TNNT1: variants seen among roughly 807,000 people sequenced by gnomAD.
The protein encoded by TNNT1 is troponin T, slow skeletal muscle.
Under a neutral mutation model 50.6 loss-of-function variants are expected in TNNT1, and 53 were observed. The ratio of observed to expected loss-of-function variants is 1.05; its 90% CI spans 0.84 to 1.32. The LOEUF is 1.32. TNNT1 is among the 40% of genes most tolerant of loss of function. The pLI is 0.00. For synonymous variants in TNNT1, 142 were observed against 138.0 expected, an observed-to-expected ratio of 1.03 and a Z score of -0.20; for missense variants, 348 against 381.7, an observed-to-expected ratio of 0.91 and a Z score of 0.74.
In TNNT1 at chr19:55,137,128, C is replaced by T. The variant is rs2085359319; in HGVS notation, c.586G>A (p.Asp196Asn). Residue 196 changes from aspartate to asparagine, a missense_variant, in exon 11 of 14, where the codon GAC becomes AAC. Around this residue, in one of 3 missense-constraint regions of TNNT1, gnomAD observed 253 missense variants for 291.8 expected, o/e 0.87. Coordinates refer to ENST00000588981, the MANE Select transcript of TNNT1 (RefSeq NM_003283.6). Reference protein sequence around the residue: ...LSERKKPLDIDYMGEEQLRAR... With the variant: ...LSERKKPLDINYMGEEQLRAR... ...CGGAGCTGTTCCTCCCCCATGTAGTCAATGTCCAGAGGCTTCTTACGCTCG... is the reference window on the plus strand; with the variant it reads ...CGGAGCTGTTCCTCCCCCATGTAGTTAATGTCCAGAGGCTTCTTACGCTCG... The T allele has an allele frequency of 1.9e-6, 3 of 1,595,852 alleles. No individual in the cohort carries two copies. The highest frequency in any genetic ancestry group is 1.7e-6 in the Non-Finnish European group (2 of 1,169,850).
At position 55,146,416 on chromosome 19, in the gene TNNT1, C is replaced by G. The variant is rs1175157872; in HGVS notation, c.106+18G>C. 7.4e-7 allele frequency: 1 copy of G among 1,358,748 alleles called. No individual in the cohort carries two copies. The highest frequency in any genetic ancestry group is 3.3e-5 in the Admixed American group (1 of 30,128). 84.2% of individuals were successfully genotyped at this position (1,358,748 alleles called of 1,614,324 possible). On this transcript the variant is annotated intron_variant, in intron 5 of 13. Transcript: ENST00000588981. ...GGCCCCCGACATCGGTCTCGGGAAG[C>G]GAAGCAGCCGCGGTTACCTGGCTCT...
At chr19:55,144,238 T>C (rs2085508516) in intron 6 of TNNT1, among the ~76,000 whole-genome samples, 1 of 152,064 alleles carries the variant, frequency 6.6e-6, no homozygotes. Context: ...TGGCTAATTC[T>C]TTTGTATTTT....
intron 10 of TNNT1, among the ~76,000 whole-genome samples, chr19:55,137,500 G>A (rs2085368698): frequency 3.0e-5 from 4 of 133,134 alleles, no homozygotes; most frequent in African/African-American, 1.2e-4. Flanking sequence ...CTCAGCCCAG[G>A]AGTCCAGACC....
Position 55,146,992 on chromosome 19 carries a change from C to T in TNNT1, c.46+16G>A, listed in dbSNP as rs767337728. On this transcript the variant is annotated intron_variant, in intron 3 of 13. Coordinates refer to ENST00000588981, the MANE Select transcript of TNNT1 (RefSeq NM_003283.6). ...GCGTGTCCCCATCCCATAGGGCCGG[C>T]CCACTCCCTACTCACCTTCCGGCTG... is the stretch of plus-strand genomic sequence containing the variant. 2.3e-5 allele frequency: 37 copies of T among 1,603,404 alleles called. No individual in the cohort carries two copies. The highest frequency in any genetic ancestry group is 1.9e-4 in the Middle Eastern group (1 of 5,336).
chr19:55,137,254 C>T (rs973124838), intron 10 of TNNT1, 42 bp from the exon 11 acceptor site: 1 of 1,419,234 alleles, frequency 7.0e-7, no homozygotes. Flanking sequence ...GGGGCCACAT[C>T]CCACAGAGCA....
At chr19:55,141,834 C>T in intron 7 of TNNT1, 23 bp downstream of exon 7, 3 of 1,613,322 alleles carry the variant, frequency 1.9e-6, no homozygotes, top group Non-Finnish European at 2.5e-6. Flanking sequence ...ACTGCGCCTG[C>T]GGAGGGGTCT....
At position 55,132,714 on chromosome 19, in the gene TNNT1, C is replaced by G. The variant is rs1051185149; in HGVS notation, c.*201G>C. ...AGCAGTGTGTGAAGGTTCAGCCTGC[C>G]GTACTTTAATGATTATTGGTGACAC... On this transcript the variant is annotated 3_prime_UTR_variant, in exon 14 of 14. Transcript: ENST00000588981. 44 of 621,148 alleles carry G rather than the reference C, an allele frequency of 7.1e-5. No homozygotes were observed. Among genetic ancestry groups the G allele is most frequent in the Admixed American group, 1.9e-4 (7 of 37,088 alleles). The allele number at this position is 621,148 out of a possible 1,614,324, so 38.5% of individuals were successfully genotyped here. A position where few individuals can be genotyped will look rare whatever the true frequency, so the allele number is the denominator to read the frequency against.
At chr19:55,134,977 A>C (rs2085323365) in intron 11 of TNNT1, among the ~76,000 whole-genome samples, 1 of 151,890 alleles carries the variant, frequency 6.6e-6, no homozygotes, top group Admixed American at 6.6e-5. Flanking sequence ...TTCCTTTAGA[A>C]TCCTGTTTCC....
Position 55,145,549 on chromosome 19 carries a change from T to C in TNNT1, c.123A>G (p.Lys41=), listed in dbSNP as rs768990278. The change falls in exon 6 of 14, where the codon AAA becomes AAG. Residue 41 remains lysine, a synonymous_variant. Coordinates refer to ENST00000588981, the MANE Select transcript of TNNT1 (RefSeq NM_003283.6). ...CCCACCCTGTAGGATCTCACCTTGG[T>C]TTGGGGCGTTCCTCTTCTGTTGGTG... is the stretch of plus-strand genomic sequence containing the variant. ...PVAEPEEERP[K]PSRPVVPPLI... 7 of 1,612,876 alleles carry C rather than the reference T, an allele frequency of 4.3e-6. No homozygotes were observed. The African/African-American group carries it at 8.0e-5, about 19-fold the overall frequency.
intron 11 of TNNT1, chr19:55,135,526 T>TC (rs1491580446): frequency 4.3e-5 from 3 of 69,692 alleles, no homozygotes; most frequent in Non-Finnish European, 8.1e-5. Flanking sequence ...CACCTCAGCC[T>TC]TTTTTTTTTT....
Position 55,133,879 on chromosome 19 carries a change from A to G in TNNT1, c.791+8T>C, listed in dbSNP as rs770649745. 1 of 1,613,842 alleles carries G rather than the reference A, an allele frequency of 6.2e-7. No homozygotes were observed. Among genetic ancestry groups the G allele is most frequent in the South Asian group, 1.1e-5 (1 of 91,072 alleles). The stretch of plus-strand genomic sequence containing the variant: ...ACAAGAGCAAGGGCTTGAGACGGTC[A>G]CACTCACAACTTCTGGGCGTGGCTG... On this transcript the variant is annotated splice_region_variant and intron_variant, in intron 13 of 13. Coordinates refer to ENST00000588981, the MANE Select transcript of TNNT1 (RefSeq NM_003283.6).
At chr19:55,134,618 G>C (rs184468326) in intron 11 of TNNT1, among the ~76,000 whole-genome samples, 4 of 143,548 alleles carry the variant, frequency 2.8e-5, no homozygotes, top group African/African-American at 1.0e-4. Context: ...GCAGTGAGCT[G>C]TGATTGCACC....
intron 8 of TNNT1, 35 bp from the exon 9 acceptor site, chr19:55,140,995 C>A: frequency 6.2e-7 from 1 of 1,603,022 alleles, no homozygotes; most frequent in South Asian, 1.1e-5. Flanking sequence ...GGTGCAGGGA[C>A]GTACCCCCAG....
At chr19:55,133,729 T>A in intron 13 of TNNT1, 158 bp downstream of exon 13, 1 of 804,348 alleles carries the variant, frequency 1.2e-6, no homozygotes, top group Non-Finnish European at 2.1e-6. Flanking sequence ...AGACCCAGGA[T>A]TCCGAGAGCA....
At position 55,142,151 on chromosome 19, in the gene TNNT1, T is replaced by C. The variant is rs113672372; in HGVS notation, c.129-231A>G. Reference sequence around the variant, plus strand: ...TTGTTTTGTTTTTTTGACGGAGTCTTGCTCTGTCACCCAGGCTGGAGTGCG... The same window carrying C: ...TTGTTTTGTTTTTTTGACGGAGTCTCGCTCTGTCACCCAGGCTGGAGTGCG... On this transcript the variant is annotated intron_variant, in intron 6 of 13. Transcript: ENST00000588981. 4,715 of 480,686 alleles carry C rather than the reference T, an allele frequency of 9.8e-3. 210 individuals carry two copies. Among genetic ancestry groups the C allele is most frequent in the African/African-American group, 0.084 (4,254 of 50,662 alleles). 29.8% of individuals were successfully genotyped at this position (480,686 alleles called of 1,614,324 possible).
At chr19:55,146,347 G>A (rs2085550766) in intron 5 of TNNT1, 87 bp downstream of exon 5, 1 of 928,094 alleles carries the variant, frequency 1.1e-6, no homozygotes, top group Non-Finnish European at 1.5e-6. Flanking sequence ...GGAGGGAAGG[G>A]TGGTCTTGGA....
At chr19:55,145,154 C>T (rs201199569) in intron 6 of TNNT1, among the ~76,000 whole-genome samples, 3 of 118,276 alleles carry the variant, frequency 2.5e-5, no homozygotes, top group African/African-American at 1.3e-4. Context: ...AAAAAAAAAA[C>T]CAGGTGTGGT....
At chr19:55,142,130 T>A (rs1813453325) in intron 6 of TNNT1, 1 of 544,392 alleles carries the variant, frequency 1.8e-6, no homozygotes, top group South Asian at 2.0e-5. Flanking sequence ...TTGGTTTTGT[T>A]TTGTTTTTTT....
chr19:55,139,251 C>T (rs958445987), intron 9 of TNNT1, among the ~76,000 whole-genome samples: 3 of 152,228 alleles, frequency 2.0e-5, no homozygotes, highest in African/African-American at 2.4e-5. Context: ...CCACTTGTCT[C>T]GGTCTCCCAA....
Sources: allele counts gnomAD v4.1 joint callset (sites outside exome capture counted in the v4.1 genomes callset), GRCh38; gene constraint gnomAD v4.1.1; regional missense constraint gnomAD v4.1.1; transcripts MANE v1.5; gene names NCBI Gene and HGNC (gene_info 2026-07-23, HGNC 2026-07-21).